ADGRL3: variants seen among roughly 807,000 people sequenced by gnomAD.
ADGRL3 encodes the protein calcium-independent alpha-latrotoxin receptor 3.
A neutral mutation model predicts 153.5 loss-of-function variants in ADGRL3; 62 were observed. The observed-to-expected ratio is 0.40, with a 90% CI of 0.33 to 0.50. ADGRL3 has a LOEUF of 0.50. Among genes scored for constraint, ADGRL3 ranks in the 20% least tolerant of loss-of-function variants. The pLI, the probability that ADGRL3 is intolerant of heterozygous loss-of-function variation, is 0.47. For synonymous variants in ADGRL3, 710 were observed against 672.5 expected (o/e 1.06, Z -0.86); for missense variants, 1,641 against 1,859.4 (o/e 0.88, Z 2.16).
intron 19 of ADGRL3, among the ~76,000 whole-genome samples, chr4:61,987,895 C>G (rs911962240): frequency 7.9e-5 from 12 of 151,784 alleles, no homozygotes; most frequent in Non-Finnish European, 1.8e-4. Flanking sequence ...GTTTATTATA[C>G]TGACAATGAG....
intron 9 of ADGRL3, among the ~76,000 whole-genome samples, chr4:61,885,307 AAC>A (rs1359003324): frequency 1.3e-5 from 2 of 152,100 alleles, no homozygotes; most frequent in Non-Finnish European, 1.5e-5. Context: ...CAGCCTGGGC[AAC>A]AAGAGTGAAA....
In ADGRL3 at chr4:61,970,001, A is replaced by T. The variant is rs114459701; in HGVS notation, c.2806-9562A>T. On this transcript the variant is annotated intron_variant, in intron 17 of 26. Transcript: ENST00000683033. The stretch of plus-strand genomic sequence containing the variant: ...TCCAGAAAGCAAAAATTTACTGCTA[A>T]AACTAAGACAGTAGTGAGCAAACCT... Among the ~76,000 whole-genome samples, 419 of 152,276 alleles carry T rather than the reference A, an allele frequency of 2.8e-3. 5 individuals carry two copies. The highest frequency in any genetic ancestry group is 9.5e-3 in the African/African-American group (395 of 41,570).
chr4:61,797,157 A>T (rs935864386), intron 8 of ADGRL3, among the ~76,000 whole-genome samples: 1 of 152,168 alleles, frequency 6.6e-6, no homozygotes, highest in Non-Finnish European at 1.5e-5. Flanking sequence ...TCCTTCTTTC[A>T]GTTCCTCAAA....
chr4:61,585,567 A>T (rs1390555052), intron 4 of ADGRL3, among the ~76,000 whole-genome samples: 2 of 152,072 alleles, frequency 1.3e-5, no homozygotes, highest in African/African-American at 4.8e-5. Flanking sequence ...CACGTTAGTG[A>T]GTTAATCAAC....
chr4:61,335,325 G>GT (rs1215554108), intron 1 of ADGRL3, among the ~76,000 whole-genome samples: 2 of 152,066 alleles, frequency 1.3e-5, no homozygotes, highest in African/African-American at 4.8e-5. Context: ...GATTATTCAG[G>GT]TTTTAAAGAA....
intron 4 of ADGRL3, among the ~76,000 whole-genome samples, chr4:61,564,185 T>C (rs1264455691): frequency 6.6e-6 from 1 of 152,076 alleles, no homozygotes; most frequent in Admixed American, 6.6e-5. Context: ...CTTTTTTTTT[T>C]ATCCAGACCG....
intron 1 of ADGRL3, among the ~76,000 whole-genome samples, chr4:61,260,140 T>C (rs1185394085): frequency 6.6e-6 from 1 of 152,224 alleles, no homozygotes. Flanking sequence ...TATTTGAAGA[T>C]GGTTTCATTG....
intron 5 of ADGRL3, among the ~76,000 whole-genome samples, chr4:61,652,314 T>C (rs928413023): frequency 2.6e-5 from 4 of 152,206 alleles, no homozygotes; most frequent in Admixed American, 6.5e-5. Flanking sequence ...GCATTACTTT[T>C]ACTTATATTT....
intron 2 of ADGRL3, among the ~76,000 whole-genome samples, chr4:61,414,673 T>A (rs899591443): frequency 6.6e-6 from 1 of 151,846 alleles, no homozygotes; most frequent in African/African-American, 2.4e-5. Context: ...AATTGCTTTA[T>A]GTTTTTTTTT....
chr4:61,635,775 GT>G (rs989495015), intron 5 of ADGRL3, among the ~76,000 whole-genome samples: 3 of 152,108 alleles, frequency 2.0e-5, no homozygotes, highest in Non-Finnish European at 4.4e-5. Flanking sequence ...TGACAGGGAT[GT>G]TTTTTCCTGA....
chr4:61,351,160 T>A (rs772673176), intron 1 of ADGRL3, among the ~76,000 whole-genome samples: 1 of 152,152 alleles, frequency 6.6e-6, no homozygotes, highest in Non-Finnish European at 1.5e-5. Flanking sequence ...GTGGTTTGGA[T>A]AGAAAATCAA....
At chr4:61,886,915 G>A (rs896489890) in intron 9 of ADGRL3, among the ~76,000 whole-genome samples, 2 of 151,894 alleles carry the variant, frequency 1.3e-5, no homozygotes, top group African/African-American at 4.8e-5. Context: ...CCAAAGTTCT[G>A]GGAGTACAGG....
chr4:61,867,593 C>T, intron 9 of ADGRL3, among the ~76,000 whole-genome samples: 1 of 136,424 alleles, frequency 7.3e-6, no homozygotes, highest in African/African-American at 2.7e-5. Context: ...GACTGAGATC[C>T]CTATAACAAA....
At chr4:61,398,359 T>A (rs1162307802) in intron 2 of ADGRL3, among the ~76,000 whole-genome samples, 1 of 151,744 alleles carries the variant, frequency 6.6e-6, no homozygotes, top group South Asian at 2.1e-4. Flanking sequence ...CCTTCGTAAA[T>A]GTATTGACAA....
chr4:61,371,917 G>A (rs2096535463), intron 1 of ADGRL3, among the ~76,000 whole-genome samples: 1 of 152,122 alleles, frequency 6.6e-6, no homozygotes, highest in East Asian at 1.9e-4. Flanking sequence ...TTTCTTGGAG[G>A]CTTTGCTCTT....
chr4:61,539,948 A>G (rs1312811825), intron 4 of ADGRL3, among the ~76,000 whole-genome samples: 1 of 151,966 alleles, frequency 6.6e-6, no homozygotes, highest in Non-Finnish European at 1.5e-5. Flanking sequence ...TCAGCTTTCC[A>G]TTCAAATCCT....
chr4:62,013,228 C>G (rs1441137329), intron 21 of ADGRL3, among the ~76,000 whole-genome samples: 1 of 151,936 alleles, frequency 6.6e-6, no homozygotes, highest in Non-Finnish European at 1.5e-5. Flanking sequence ...TTGTTAATTG[C>G]CATTAGAAAT....
chr4:61,911,367 G>A (rs1427551743), intron 12 of ADGRL3, among the ~76,000 whole-genome samples: 1 of 152,116 alleles, frequency 6.6e-6, no homozygotes, highest in African/African-American at 2.4e-5. Context: ...ATTTCCATTT[G>A]TGAAGCTTTT....
At chr4:61,854,019 T>C (rs999348992) in intron 9 of ADGRL3, among the ~76,000 whole-genome samples, 2 of 152,222 alleles carry the variant, frequency 1.3e-5, no homozygotes, top group Non-Finnish European at 2.9e-5. Flanking sequence ...TTTGCAGATA[T>C]GGTTTAGTTT....
Sources: gnomAD v4.1 joint callset for allele counts (sites outside exome capture counted in the v4.1 genomes callset) on GRCh38, gnomAD v4.1.1 for gene constraint, MANE v1.5 for transcripts, NCBI Gene and HGNC (gene_info 2026-07-23, HGNC 2026-07-21) for gene names.